The following TAFA2 variants were observed in gnomAD, a reference collection of about 807,000 sequenced individuals.
TAFA2 encodes the protein TAFA chemokine like family member 2, also known as chemokine-like protein TAFA-2.
In TAFA2, 7 loss-of-function variants were observed where a neutral mutation model predicts 18.8. The ratio of observed to expected loss-of-function variants is 0.37; its 90% CI spans 0.21 to 0.70. TAFA2 has a LOEUF of 0.70. Ranked by LOEUF, TAFA2 falls within the 30% of genes least tolerant of loss-of-function variation. The pLI, the probability that TAFA2 is intolerant of heterozygous loss-of-function variation, is 0.53. For synonymous variants in TAFA2, 60 were observed against 54.2 expected (o/e 1.11, Z -0.47); for missense variants, 122 against 158.1 (o/e 0.77, Z 1.23).
chr12:61,933,528 T>C (rs950298203), intron 1 of TAFA2, among the ~76,000 whole-genome samples: 2 of 151,960 alleles, frequency 1.3e-5, no homozygotes, highest in Admixed American at 1.3e-4. Context: ...CCTGGGCAAT[T>C]ATAGCAAGAC....
At chr12:61,907,057 T>C (rs2121332595) in intron 1 of TAFA2, among the ~76,000 whole-genome samples, 1 of 152,308 alleles carries the variant, frequency 6.6e-6, no homozygotes, top group African/African-American at 2.4e-5. Context: ...AGCATAAAAG[T>C]TTGGAAAATT....
In TAFA2 at chr12:61,881,918, A is replaced by C. The variant is rs1875159862; in HGVS notation, c.-1-14492T>G. On this transcript the variant is annotated intron_variant, in intron 1 of 4. Coordinates refer to ENST00000416284, the MANE Select transcript of TAFA2 (RefSeq NM_178539.5). ...GACTGTGTAAACTCTGACTTGAATC[A>C]GAAAAAAAAAAGCAAGAAGGGAACA... 1.3e-5 allele frequency among the ~76,000 whole-genome samples: 2 copies of C among 151,812 alleles called. 1 individual carries two copies. Among genetic ancestry groups the C allele is most frequent in the South Asian group, 4.2e-4 (2 of 4,812 alleles).
chr12:62,203,076 C>T (rs1037143454), intron 1 of TAFA2, among the ~76,000 whole-genome samples: 2 of 151,808 alleles, frequency 1.3e-5, no homozygotes, highest in Non-Finnish European at 2.9e-5. Flanking sequence ...ATTCACCCAC[C>T]TCAGCCTCCC....
chr12:61,766,857 G>A (rs754462914), intron 2 of TAFA2, among the ~76,000 whole-genome samples: 1 of 152,222 alleles, frequency 6.6e-6, no homozygotes, highest in Non-Finnish European at 1.5e-5. Flanking sequence ...TTGTGAATAT[G>A]TGTGTATGTG....
chr12:61,864,119 C>T (rs936404768), intron 2 of TAFA2, among the ~76,000 whole-genome samples: 3 of 152,134 alleles, frequency 2.0e-5, no homozygotes, highest in Non-Finnish European at 2.9e-5. Context: ...CCAAAAAACC[C>T]TGCCTAAGAC....
At chr12:61,723,319 C>A (rs1869991698) in intron 4 of TAFA2, among the ~76,000 whole-genome samples, 1 of 151,990 alleles carries the variant, frequency 6.6e-6, no homozygotes, top group Non-Finnish European at 1.5e-5. Flanking sequence ...ATATCAGGCA[C>A]ATAAATGATG....
chr12:61,785,690 T>A (rs778260060), intron 2 of TAFA2, among the ~76,000 whole-genome samples: 1 of 151,528 alleles, frequency 6.6e-6, no homozygotes, highest in Non-Finnish European at 1.5e-5. Flanking sequence ...AACATATTAC[T>A]TATTGACTCC....
rs1458314963 is a variant in TAFA2 at position 62,151,480 on chromosome 12, C to T, written c.-2+39779G>A. Among the ~76,000 whole-genome samples, 4 of 152,250 alleles carry T rather than the reference C, an allele frequency of 2.6e-5. 1 individual carries two copies. The highest frequency in any genetic ancestry group is 4.1e-4 in the South Asian group (2 of 4,826). On this transcript the variant is annotated intron_variant, in intron 1 of 4. Transcript: ENST00000416284. ...TTTACTTTCAATGTAGAAGATTGCC[C>T]GGAATGACAATATATATGGTTCATT...
At chr12:62,202,551 A>G (rs1271350395) in intron 1 of TAFA2, among the ~76,000 whole-genome samples, 1 of 151,518 alleles carries the variant, frequency 6.6e-6, no homozygotes, top group Non-Finnish European at 1.5e-5. Flanking sequence ...CAAACTCCTG[A>G]CCTCAGATGA....
intron 1 of TAFA2, among the ~76,000 whole-genome samples, chr12:62,020,841 A>T (rs184819046): frequency 1.7e-3 from 257 of 152,366 alleles, no homozygotes; most frequent in African/African-American, 5.8e-3. Context: ...TATGGCCCAC[A>T]AACTGAAAAT....
intron 1 of TAFA2, among the ~76,000 whole-genome samples, chr12:62,233,555 C>T (rs2062822357): frequency 6.6e-6 from 1 of 152,190 alleles, no homozygotes; most frequent in Non-Finnish European, 1.5e-5. Flanking sequence ...TCTCGTCTTA[C>T]ATAACAAGCA....
chr12:61,938,226 A>G (rs1254225753), intron 1 of TAFA2, among the ~76,000 whole-genome samples: 1 of 114,364 alleles, frequency 8.7e-6, no homozygotes, highest in Non-Finnish European at 1.8e-5. Flanking sequence ...CACAATAGAT[A>G]TGGTAAAAAA....
chr12:62,009,842 A>G (rs1312240272), intron 1 of TAFA2, among the ~76,000 whole-genome samples: 1 of 152,208 alleles, frequency 6.6e-6, no homozygotes, highest in Non-Finnish European at 1.5e-5. Context: ...TTATCCAACC[A>G]TATGGAATAA....
At chr12:61,990,134 G>A (rs1037851816) in intron 1 of TAFA2, among the ~76,000 whole-genome samples, 3 of 152,006 alleles carry the variant, frequency 2.0e-5, no homozygotes, top group Non-Finnish European at 4.4e-5. Context: ...GTACTTGGAA[G>A]CCAATGAACT....
intron 1 of TAFA2, among the ~76,000 whole-genome samples, chr12:61,975,388 G>A (rs35170655): frequency 0.14 from 21,390 of 151,432 alleles, 1,648 homozygotes; most frequent in East Asian, 0.2. Context: ...CCACATATAC[G>A]TGAAATCATG....
intron 1 of TAFA2, among the ~76,000 whole-genome samples, chr12:61,974,605 T>C (rs912558204): frequency 2.6e-5 from 4 of 151,756 alleles, no homozygotes; most frequent in African/African-American, 9.7e-5. Flanking sequence ...GGAAGACAAA[T>C]TAAAAGTGCA....
intron 2 of TAFA2, among the ~76,000 whole-genome samples, chr12:61,767,540 G>A (rs1423838754): frequency 6.6e-6 from 1 of 151,988 alleles, no homozygotes; most frequent in East Asian, 1.9e-4. Flanking sequence ...ATAAACAGAG[G>A]AAATCAGTAT....
chr12:62,139,841 G>A (rs907059881), intron 1 of TAFA2, among the ~76,000 whole-genome samples: 11 of 152,088 alleles, frequency 7.2e-5, no homozygotes, highest in African/African-American at 1.4e-4. Context: ...GAAGTGACTC[G>A]CCCAAGGTCA....
chr12:62,115,522 G>A (rs1869925655), intron 1 of TAFA2, among the ~76,000 whole-genome samples: 1 of 152,072 alleles, frequency 6.6e-6, no homozygotes, highest in African/African-American at 2.4e-5. Flanking sequence ...CCAAATCACA[G>A]TCTGTAAGCT....
Sources: gnomAD v4.1 joint callset for allele counts (sites outside exome capture counted in the v4.1 genomes callset) on GRCh38, gnomAD v4.1.1 for gene constraint, MANE v1.5 for transcripts, NCBI Gene and HGNC (gene_info 2026-07-23, HGNC 2026-07-21) for gene names.